Variants in LYST observed in about 807,000 individuals in gnomAD.
LYST encodes lysosomal trafficking regulator, also known as lysosomal-trafficking regulator.
A neutral mutation model predicts 413.6 loss-of-function variants in LYST; 192 were observed. The ratio of observed to expected loss-of-function variants is 0.46; its 90% confidence interval spans 0.41 to 0.52. The LOEUF (loss-of-function observed/expected upper bound fraction) is 0.52. LYST is among the 20% of genes least tolerant of loss of function. The pLI is 0.00. For missense variants in LYST, 3,815 were observed against 4,499.9 expected (o/e 0.85, Z 4.35); for synonymous variants, 1,525 against 1,567.3 (o/e 0.97, Z 0.64).
chr1:235,736,262 T>G (rs1241002960), intron 31 of LYST: 2 of 152,098 alleles, frequency 1.3e-5, no homozygotes, highest in Non-Finnish European at 2.9e-5. Context: ...ACATGAATCC[T>G]TAGAAAATAA....
In LYST at chr1:235,762,786, T is replaced by A. The variant is rs753558003; in HGVS notation, c.6187A>T (p.Arg2063Trp). Residue 2063 changes from arginine to tryptophan, a missense_variant, in exon 22 of 53, where the codon AGG (arginine) becomes TGG (tryptophan). Around this residue, in one of 4 missense-constraint regions of LYST, gnomAD observed 530 missense variants for 696.5 expected, o/e 0.76. Coordinates refer to ENST00000389793, the MANE Select transcript of LYST (RefSeq NM_000081.4). The part of the protein sequence containing the change: ...MYLRHSSSGG[R>W]SLMSPGFMVI... ...ATAAATCCAGGGCTCATAAGGGACC[T>A]TCCTCCACTGCTGGAATGCCTCAGG... is the stretch of plus-strand genomic sequence containing the variant. 2 of 1,613,028 alleles carry A rather than the reference T, an allele frequency of 1.2e-6. No homozygotes were observed. The highest frequency in any genetic ancestry group is 1.7e-6 in the Non-Finnish European group (2 of 1,179,084).
At chr1:235,740,195 AATATG>A (rs1428704698) in intron 31 of LYST, among the ~76,000 whole-genome samples, 2 of 152,130 alleles carry the variant, frequency 1.3e-5, no homozygotes, top group Non-Finnish European at 2.9e-5. Flanking sequence ...TTTGACTCCT[AATATG>A]ATATGTGTTT....
At chr1:235,793,302 A>C (rs557091200) in intron 11 of LYST, among the ~76,000 whole-genome samples, 1 of 152,326 alleles carries the variant, frequency 6.6e-6, no homozygotes, top group African/African-American at 2.4e-5. Context: ...ATGTCTGGTT[A>C]ATCCAAATTG....
intron 40 of LYST, 93 bp downstream of exon 40, chr1:235,720,568 T>G: frequency 8.2e-7 from 1 of 1,214,162 alleles, no homozygotes; most frequent in Non-Finnish European, 1.2e-6. Flanking sequence ...TTCTATTTTG[T>G]GCATGTTTGA....
chr1:235,711,967 G>A (rs1304707063), intron 43 of LYST, 90 bp downstream of exon 43: 39 of 1,008,962 alleles, frequency 3.9e-5, no homozygotes, highest in Non-Finnish European at 5.4e-5. Context: ...AAAATTTTTA[G>A]GACTTAAAAA....
intron 1 of LYST, among the ~76,000 whole-genome samples, chr1:235,851,753 G>C (rs561672694): frequency 6.6e-6 from 1 of 151,802 alleles, no homozygotes; most frequent in African/African-American, 2.4e-5. Flanking sequence ...CACTAAATAG[G>C]GGAAATTAAA....
chr1:235,827,366 C>A lies in LYST; in HGVS notation c.192+2860G>T, dbSNP rs1056783677. ...CCTGGGTGAAAAAGTGAGACTCTGT[C>A]TCAAAAATAAATAAATAAATATTAA... On this transcript the variant is annotated intron_variant, in intron 3 of 52. Transcript: ENST00000389793. 14 of 909,170 alleles carry A rather than the reference C, an allele frequency of 1.5e-5. No homozygotes were observed. The Admixed American group carries it at 2.5e-4, about 16-fold the overall frequency. The allele number at this position is 909,170 out of a possible 1,614,324, so 56.3% of individuals were successfully genotyped here.
chr1:235,767,246 A>G (rs183488601), intron 20 of LYST, among the ~76,000 whole-genome samples: 437 of 152,176 alleles, frequency 2.9e-3, no homozygotes, highest in Non-Finnish European at 4.8e-3. Flanking sequence ...CATATGTCCA[A>G]ATATATATCT....
chr1:235,674,121 T>C lies in LYST; in HGVS notation c.11038+2970A>G, dbSNP rs182160496. Reference sequence around the variant, plus strand: ...CTGTGGGTCAGCCCTCCAGAGCTATTTGGCCTCCAAGTAACAATGTCAATT... The same window carrying C: ...CTGTGGGTCAGCCCTCCAGAGCTATCTGGCCTCCAAGTAACAATGTCAATT... On this transcript the variant is annotated intron_variant, in intron 50 of 52. Transcript: ENST00000389793. The surrounding 1 kb of genome is among the most constrained non-coding windows in gnomAD (Gnocchi z 4.1). Among the ~76,000 whole-genome samples the C allele has an allele frequency of 8.2e-4, 125 of 152,268 alleles. 1 individual carries two copies. The highest frequency in any genetic ancestry group is 2.9e-3 in the African/African-American group (121 of 41,564).
At chr1:235,690,686 C>T (rs1660574084) in intron 47 of LYST, among the ~76,000 whole-genome samples, 2 of 152,142 alleles carry the variant, frequency 1.3e-5, no homozygotes, top group Admixed American at 1.3e-4. Flanking sequence ...GCTAAACATT[C>T]CCCTAAGTAG....
Position 235,783,419 on chromosome 1 carries a change from T to C in LYST, c.4863-1332A>G, listed in dbSNP as rs142881581. ...GTTTTAAATTTTTTATTTTAAAAAA[T>C]AGTTTTTCAATGAGAACATACGGAC... On this transcript the variant is annotated intron_variant, in intron 14 of 52. Coordinates refer to ENST00000389793, the MANE Select transcript of LYST (RefSeq NM_000081.4). 1.5e-4 allele frequency among the ~76,000 whole-genome samples: 23 copies of C among 152,238 alleles called. No homozygotes were observed. In the East Asian group the frequency reaches 4.4e-3, roughly 29 times the overall value.
At position 235,741,422 on chromosome 1, in the gene LYST, T is replaced by C; in HGVS notation, c.8358A>G (p.Gln2786=). 1 of 1,611,342 alleles carries C rather than the reference T, an allele frequency of 6.2e-7. No individual in the cohort carries two copies. The highest frequency in any genetic ancestry group is 8.5e-7 in the Non-Finnish European group (1 of 1,177,508). The change falls in exon 31 of 53, where the codon CAA becomes CAG. Residue 2786 remains glutamine (Q), a splice_region_variant and synonymous_variant. Coordinates refer to ENST00000389793, the MANE Select transcript of LYST (RefSeq NM_000081.4). ...CTCTTATCAAAGCTGAGATACTTAC[T>C]TGTAGGGATGGGCTGAGACAGTCTC... is the stretch of plus-strand genomic sequence containing the variant. ...ILRDCLSPSL[Q]HGAKLVLYLS...
chr1:235,730,347 GTTAGGTAACTTGCCTAAGA>G (rs1292534928), intron 36 of LYST, among the ~76,000 whole-genome samples: 2 of 151,978 alleles, frequency 1.3e-5, no homozygotes, highest in African/African-American at 4.8e-5. Context: ...AGACAGAGAG[GTTAGGTAACTTGCCTAAGA>G]TTAAAGAGCT....
intron 50 of LYST, among the ~76,000 whole-genome samples, chr1:235,673,004 T>C (rs953111099): frequency 6.6e-6 from 1 of 152,146 alleles, no homozygotes; most frequent in African/African-American, 2.4e-5. Context: ...ATCACATCCT[T>C]ATCAGAAGTT....
chr1:235,677,000 T>C, intron 50 of LYST, 91 bp downstream of exon 50: 2 of 871,420 alleles, frequency 2.3e-6, no homozygotes, highest in Non-Finnish European at 4.0e-6. Flanking sequence ...GGCAGGGACC[T>C]GAGAGAATGG....
At chr1:235,881,382 A>T (rs1031769841) in intron 1 of LYST, among the ~76,000 whole-genome samples, 1 of 152,238 alleles carries the variant, frequency 6.6e-6, no homozygotes, top group Non-Finnish European at 1.5e-5. Context: ...CTACATTACC[A>T]CATTGAAGAT....
At chr1:235,798,376 G>C (rs1237730295) in intron 10 of LYST, among the ~76,000 whole-genome samples, 1 of 150,988 alleles carries the variant, frequency 6.6e-6, no homozygotes, top group Admixed American at 6.6e-5. Context: ...TTAATAATAG[G>C]GAAAACTGGC....
intron 42 of LYST, among the ~76,000 whole-genome samples, chr1:235,714,173 C>T (rs1353276081): frequency 5.9e-5 from 9 of 152,166 alleles, no homozygotes; most frequent in Non-Finnish European, 1.5e-5. Flanking sequence ...CCACAGCAAA[C>T]AAGGATGGCT....
At chr1:235,783,300 T>C (rs1431292674) in intron 14 of LYST, among the ~76,000 whole-genome samples, 1 of 152,056 alleles carries the variant, frequency 6.6e-6, no homozygotes. Context: ...AAAGGAAAGA[T>C]GTGGGATACA....
Sources: allele counts gnomAD v4.1 joint callset (sites outside exome capture counted in the v4.1 genomes callset), GRCh38; gene constraint gnomAD v4.1.1; regional missense constraint gnomAD v4.1.1; non-coding constraint Gnocchi (gnomAD v3.1); transcripts MANE v1.5; gene names NCBI Gene and HGNC (gene_info 2026-07-23, HGNC 2026-07-21).